PTPRA: variants seen among roughly 807,000 people sequenced by gnomAD.
PTPRA encodes the protein protein tyrosine phosphatase receptor type A.
A neutral mutation model predicts 104.8 loss-of-function variants in PTPRA; 25 were observed. The observed-to-expected ratio is 0.24, with a 90% CI of 0.17 to 0.33. The LOEUF (loss-of-function observed/expected upper bound fraction) is 0.33. Among genes scored for constraint, PTPRA ranks in the 10% least tolerant of loss-of-function variants. PTPRA has a pLI of 1.00. For synonymous variants in PTPRA, 323 were observed against 368.9 expected (o/e 0.88, Z 1.43); for missense variants, 765 against 1,015.3 (o/e 0.75, Z 3.35).
chr20:2,956,465 C>T (rs922051511), intron 3 of PTPRA, among the ~76,000 whole-genome samples: 1 of 151,872 alleles, frequency 6.6e-6, no homozygotes, highest in Non-Finnish European at 1.5e-5. Context: ...TTTATTGAAG[C>T]CCCCTGTGAT....
Position 3,022,303 on chromosome 20 carries a change from C to A in PTPRA, c.1328+83C>A. Reference sequence around the variant, plus strand: ...CAGGGGAACAGCACAAGGGCCCTGGCTGAGGAGGCTGGCACAGAGTAGATG... The same window carrying A: ...CAGGGGAACAGCACAAGGGCCCTGGATGAGGAGGCTGGCACAGAGTAGATG... On this transcript the variant is annotated intron_variant, in intron 15 of 23. Transcript: ENST00000399903. The surrounding 1 kb of genome is among the most constrained non-coding windows in gnomAD (Gnocchi z 4.6). 6.6e-7 allele frequency: 1 copy of A among 1,513,462 alleles called. No individual in the cohort carries two copies. The highest frequency in any genetic ancestry group is 9.0e-7 in the Non-Finnish European group (1 of 1,109,108). 93.8% of individuals were successfully genotyped at this position (1,513,462 alleles called of 1,614,324 possible).
chr20:2,896,456 A>G (rs561831240), intron 1 of PTPRA, among the ~76,000 whole-genome samples: 2 of 152,306 alleles, frequency 1.3e-5, no homozygotes, highest in South Asian at 4.1e-4. Context: ...TCCTTTGGAA[A>G]TTGTTGGTAT....
chr20:3,027,614 AG>A, intron 19 of PTPRA, 92 bp from the exon 20 acceptor site: 1 of 1,493,134 alleles, frequency 6.7e-7, no homozygotes, highest in Non-Finnish European at 9.1e-7. Context: ...TTTGCCTCCG[AG>A]CAGTCCCCAT....
chr20:2,922,972 C>CTGGA (rs1469666456), intron 1 of PTPRA, among the ~76,000 whole-genome samples: 1 of 152,156 alleles, frequency 6.6e-6, no homozygotes, highest in African/African-American at 2.4e-5. Flanking sequence ...TGTTCCCAGG[C>CTGGA]TGGAGTGCAG....
At chr20:3,018,437 T>C (rs1391055595) in intron 13 of PTPRA, among the ~76,000 whole-genome samples, 4 of 151,410 alleles carry the variant, frequency 2.6e-5, no homozygotes, top group African/African-American at 7.3e-5. Context: ...TTAACGAGCC[T>C]GCTGCCTTCA....
chr20:3,005,908 G>C (rs1013655684), intron 10 of PTPRA, among the ~76,000 whole-genome samples: 2 of 151,828 alleles, frequency 1.3e-5, no homozygotes, highest in African/African-American at 2.4e-5. Flanking sequence ...TTGGTATCCA[G>C]AATGGGATAT....
chr20:3,004,163 G>A (rs1261388848), intron 9 of PTPRA, among the ~76,000 whole-genome samples: 1 of 152,114 alleles, frequency 6.6e-6, no homozygotes, highest in Admixed American at 6.5e-5. Flanking sequence ...GGTTACAGGT[G>A]TGCACCACCA....
Position 2,910,317 on chromosome 20 carries a change from A to ATATATATTTTATATATATTTTGTATAT in PTPRA, c.-128-12873_-128-12872insTTTTGTATATTATATATTTTATATATA, listed in dbSNP as rs1568649747. 2.4e-4 allele frequency among the ~76,000 whole-genome samples: 15 copies of ATATATATTTTATATATATTTTGTATAT among 61,362 alleles called. 1 individual carries two copies. In the East Asian group the frequency reaches 0.011, roughly 47 times the overall value. 40.3% of individuals were successfully genotyped at this position (61,362 alleles called of 152,430 possible). ...TGTATTATATATTTTATATATTATA[A>ATATATATTTTATATATATTTTGTATAT]TATATATTTTATATATAATATATTT... is the stretch of plus-strand genomic sequence containing the variant. On this transcript the variant is annotated intron_variant, in intron 1 of 23. Coordinates refer to ENST00000399903, the MANE Select transcript of PTPRA (RefSeq NM_001385305.1).
Position 2,964,346 on chromosome 20 carries a change from C to G in PTPRA, c.69C>G (p.Thr23=), listed in dbSNP as rs2061868614. 6.3e-7 allele frequency: 1 copy of G among 1,593,986 alleles called. No individual in the cohort carries two copies. Among genetic ancestry groups the G allele is most frequent in the East Asian group, 2.2e-5 (1 of 44,496 alleles). ...TATGTGTCAGTGCCAACAATGCTACCACAGGTAAATTGTCATTTGATAAGG... is the reference window on the plus strand; with the variant it reads ...TATGTGTCAGTGCCAACAATGCTACGACAGGTAAATTGTCATTTGATAAGG... ...GLICVSANNA[T]TVAPSVGITR... Residue 23 remains threonine (T), a synonymous_variant, in exon 4 of 24, where the codon ACC becomes ACG. Coordinates refer to ENST00000399903, the MANE Select transcript of PTPRA (RefSeq NM_001385305.1).
In PTPRA at chr20:2,965,022, G is replaced by C; in HGVS notation, c.235G>C (p.Val79Leu). ...TCTGGGACCCACCTATTTAACCACT[G>C]TCAATTCTTCAGACTCTGACAATGG... ...ITLGPTYLTT[V>L]NSSDSDNGTT... The change falls in exon 5 of 24, where the codon GTC becomes CTC. Residue 79 changes from valine to leucine, a missense_variant. Val to Leu is a conservative substitution (Grantham distance 32, BLOSUM62 1). This residue lies in a region of PTPRA where 256 missense variants were observed against 248.9 expected (regional missense o/e 1.03). Transcript: ENST00000399903. 2 of 1,614,108 alleles carry C rather than the reference G, an allele frequency of 1.2e-6. No individual in the cohort carries two copies. The highest frequency in any genetic ancestry group is 1.7e-6 in the Non-Finnish European group (2 of 1,180,004).
At chr20:2,937,925 T>C (rs1357529156) in intron 2 of PTPRA, among the ~76,000 whole-genome samples, 1 of 152,238 alleles carries the variant, frequency 6.6e-6, no homozygotes, top group Non-Finnish European at 1.5e-5. Flanking sequence ...AAATCTGTTG[T>C]CTTTCAAATT....
At position 3,038,047 on chromosome 20, in the gene PTPRA, T is replaced by C; in HGVS notation, c.2335-12T>C. ...AGTAACCCTGACTTTTTCCCTACCT[T>C]TCACTCTCCAGGAACAGTATGAGTT... On this transcript the variant is annotated splice_polypyrimidine_tract_variant and intron_variant, in intron 23 of 23. Coordinates refer to ENST00000399903, the MANE Select transcript of PTPRA (RefSeq NM_001385305.1). 1 of 1,604,326 alleles carries C rather than the reference T, an allele frequency of 6.2e-7. No homozygotes were observed.
chr20:2,930,566 T>G (rs980198091), intron 2 of PTPRA, among the ~76,000 whole-genome samples: 1 of 152,178 alleles, frequency 6.6e-6, no homozygotes, highest in Admixed American at 6.5e-5. Context: ...TGTTGGTTCC[T>G]TCTTGGGGGG....
chr20:2,865,233 A>G, the PTPRA span: 7 of 1,614,160 alleles, frequency 4.3e-6, no homozygotes, highest in Non-Finnish European at 5.9e-6. This position sits in a 1 kb window ranked among gnomAD's most constrained non-coding sequence, Gnocchi z 5.2. Context: ...CTGTCTCTAC[A>G]TGACACAGTT....
At chr20:2,994,939 G>A (rs2063338952) in intron 9 of PTPRA, among the ~76,000 whole-genome samples, 1 of 152,324 alleles carries the variant, frequency 6.6e-6, no homozygotes, top group East Asian at 1.9e-4. Context: ...AGACCAGCCT[G>A]ACCAACATGC....
intron 17 of PTPRA, among the ~76,000 whole-genome samples, chr20:3,024,942 GTT>G (rs1213237604): frequency 6.6e-6 from 1 of 152,200 alleles, no homozygotes; most frequent in African/African-American, 2.4e-5. Flanking sequence ...AGCCCACATG[GTT>G]TCTATCCAGC....
At chr20:2,865,068 T>G in the PTPRA span, 1 of 1,614,006 alleles carries the variant, frequency 6.2e-7, no homozygotes, top group Admixed American at 1.7e-5. The surrounding 1 kb of genome is among the most constrained non-coding windows in gnomAD (Gnocchi z 5.2). Context: ...TTGGCCCACC[T>G]TTTTCCAAGA....
At chr20:2,951,915 C>T (rs527380440) in intron 3 of PTPRA, among the ~76,000 whole-genome samples, 2 of 152,158 alleles carry the variant, frequency 1.3e-5, no homozygotes, top group Admixed American at 6.5e-5. Flanking sequence ...CCAAGGCAGG[C>T]GGATCACGAG....
chr20:2,954,891 C>T (rs1310231079), intron 3 of PTPRA, among the ~76,000 whole-genome samples: 1 of 152,124 alleles, frequency 6.6e-6, no homozygotes, highest in Non-Finnish European at 1.5e-5. Context: ...AGGGAGGGGT[C>T]CAGCGTTATT....
Sources: allele counts gnomAD v4.1 joint callset (sites outside exome capture counted in the v4.1 genomes callset), GRCh38; gene constraint gnomAD v4.1.1; regional missense constraint gnomAD v4.1.1; non-coding constraint Gnocchi (gnomAD v3.1); transcripts MANE v1.5; gene names NCBI Gene and HGNC (gene_info 2026-07-23, HGNC 2026-07-21).